The following XYLT1 variants were observed in gnomAD, a reference collection of about 807,000 sequenced individuals.
XYLT1 encodes beta-D-xylosyltransferase 1.
Under a neutral mutation model 91.3 loss-of-function variants are expected in XYLT1, and 36 were observed. The observed-to-expected ratio is 0.39, with a 90% CI of 0.30 to 0.52. The LOEUF (loss-of-function observed/expected upper bound fraction) is 0.52, where lower values mean the gene tolerates loss of function less well. Ranked by LOEUF, XYLT1 falls within the 20% of genes least tolerant of loss-of-function variation. The pLI is 0.68. For missense variants in XYLT1, 1,242 were observed against 1,284.5 expected (o/e 0.97, Z 0.51); for synonymous variants, 588 against 532.0 (o/e 1.11, Z -1.45).
intron 5 of XYLT1, among the ~76,000 whole-genome samples, chr16:17,166,154 C>A (rs1034755992): frequency 6.6e-6 from 1 of 152,226 alleles, no homozygotes; most frequent in African/African-American, 2.4e-5. Flanking sequence ...AGGAGGCTCA[C>A]ATGGAGATGG....
rs187485892 is a variant in XYLT1 at position 17,204,405 on chromosome 16, G to A, written c.914-3751C>T. ...AAGTCATCTTTGGGTCAGACAGTTAGTCTGGGGAGCTGCAAAGAGAATGGG... is the reference window on the plus strand; with the variant it reads ...AAGTCATCTTTGGGTCAGACAGTTAATCTGGGGAGCTGCAAAGAGAATGGG... On this transcript the variant is annotated intron_variant, in intron 3 of 11. Coordinates refer to ENST00000261381, the MANE Select transcript of XYLT1 (RefSeq NM_022166.4). 2.7e-5 allele frequency among the ~76,000 whole-genome samples: 4 copies of A among 150,240 alleles called. No homozygotes were observed. In the East Asian group the frequency reaches 8.1e-4, roughly 30 times the overall value.
chr16:17,442,667 G>T (rs1034571637), intron 1 of XYLT1, among the ~76,000 whole-genome samples: 1 of 152,128 alleles, frequency 6.6e-6, no homozygotes, highest in African/African-American at 2.4e-5. Context: ...GAGGGGGCAA[G>T]GACCACCCCA....
intron 1 of XYLT1, among the ~76,000 whole-genome samples, chr16:17,393,410 T>C (rs1317101356): frequency 6.6e-6 from 1 of 152,132 alleles, no homozygotes; most frequent in Non-Finnish European, 1.5e-5. Context: ...ATCCAAACGG[T>C]GTACATTATA....
At chr16:17,126,665 C>A (rs764718873) in intron 10 of XYLT1, among the ~76,000 whole-genome samples, 5 of 152,154 alleles carry the variant, frequency 3.3e-5, no homozygotes, top group Non-Finnish European at 5.9e-5. Context: ...ACTCTTGGTC[C>A]CTAATCCAGC....
chr16:17,356,002 C>T (rs1249656284), intron 2 of XYLT1, among the ~76,000 whole-genome samples: 4 of 152,002 alleles, frequency 2.6e-5, no homozygotes, highest in Non-Finnish European at 5.9e-5. Flanking sequence ...CGTTAGCCAC[C>T]GTGCCAGGCC....
chr16:17,110,696 G>A (rs1966839157), intron 11 of XYLT1, among the ~76,000 whole-genome samples: 1 of 152,162 alleles, frequency 6.6e-6, no homozygotes, highest in Non-Finnish European at 1.5e-5. Context: ...CTAGGGGGCT[G>A]GTTTTATCAT....
intron 5 of XYLT1, 186 bp downstream of exon 5, chr16:17,198,026 T>C: frequency 1.5e-6 from 1 of 667,790 alleles, no homozygotes; most frequent in Non-Finnish European, 2.5e-6. Flanking sequence ...GTGCTCAGTC[T>C]CTATCTGTTG....
chr16:17,156,069 A>G (rs535169898), intron 6 of XYLT1, among the ~76,000 whole-genome samples: 2 of 152,346 alleles, frequency 1.3e-5, no homozygotes, highest in Admixed American at 1.3e-4. Context: ...AATCTTCTCA[A>G]TGAATAAATG....
intron 2 of XYLT1, among the ~76,000 whole-genome samples, chr16:17,313,625 C>T (rs139705122): frequency 2.2e-3 from 333 of 151,886 alleles, no homozygotes; most frequent in Middle Eastern, 3.4e-3. Flanking sequence ...TGCTATAATG[C>T]TGTCTGTGTA....
At chr16:17,305,721 A>C (rs1000320359) in intron 2 of XYLT1, among the ~76,000 whole-genome samples, 2 of 152,086 alleles carry the variant, frequency 1.3e-5, no homozygotes, top group African/African-American at 4.8e-5. Flanking sequence ...TAACAGCATT[A>C]AACAGACGAA....
intron 6 of XYLT1, among the ~76,000 whole-genome samples, chr16:17,156,435 C>T (rs962928029): frequency 2.0e-5 from 3 of 152,188 alleles, no homozygotes; most frequent in South Asian, 2.1e-4. Flanking sequence ...TACCTGAGGG[C>T]GAGGAATACC....
chr16:17,281,196 T>C (rs1202555508), intron 2 of XYLT1, among the ~76,000 whole-genome samples: 1 of 152,098 alleles, frequency 6.6e-6, no homozygotes, highest in African/African-American at 2.4e-5. Flanking sequence ...GAAGGACAGG[T>C]ACTAGAGCTG....
intron 3 of XYLT1, among the ~76,000 whole-genome samples, chr16:17,211,276 G>A (rs2032751570): frequency 1.3e-5 from 2 of 152,096 alleles, no homozygotes; most frequent in Non-Finnish European, 1.5e-5. Context: ...ATGAGAGGAG[G>A]TAAAGGCAAA....
chr16:17,467,942 CG>C (rs1237110095), intron 1 of XYLT1, among the ~76,000 whole-genome samples: 4 of 152,160 alleles, frequency 2.6e-5, no homozygotes, highest in Non-Finnish European at 5.9e-5. Flanking sequence ...TGGAAAATCA[CG>C]GGGATTTGTT....
At chr16:17,205,548 G>C (rs1436365630) in intron 3 of XYLT1, among the ~76,000 whole-genome samples, 2 of 152,210 alleles carry the variant, frequency 1.3e-5, no homozygotes, top group African/African-American at 4.8e-5. Flanking sequence ...TTCACATCCA[G>C]AAGAGAGAGC....
chr16:17,467,012 G>A (rs997468867), intron 1 of XYLT1, among the ~76,000 whole-genome samples: 4 of 152,118 alleles, frequency 2.6e-5, no homozygotes, highest in Admixed American at 6.5e-5. Context: ...CCAGTGAACC[G>A]ATCTTTCAAA....
At chr16:17,362,416 T>C (rs140436711) in intron 1 of XYLT1, among the ~76,000 whole-genome samples, 166 of 152,342 alleles carry the variant, frequency 1.1e-3, no homozygotes, top group South Asian at 2.7e-3. Context: ...TAGCTAGCTC[T>C]ATGCGTGGCA....
intron 1 of XYLT1, among the ~76,000 whole-genome samples, chr16:17,448,883 T>C (rs991696576): frequency 2.0e-5 from 3 of 152,106 alleles, no homozygotes; most frequent in African/African-American, 7.2e-5. Flanking sequence ...CCCTTTGAAG[T>C]GGGTTCATCA....
intron 2 of XYLT1, among the ~76,000 whole-genome samples, chr16:17,267,410 TTTTG>T (rs953403578): frequency 7.9e-5 from 12 of 151,970 alleles, no homozygotes; most frequent in African/African-American, 2.4e-4. Context: ...AGTCTGAGTC[TTTTG>T]TTTGTTTGTT....
Sources: gnomAD v4.1 joint callset for allele counts (sites outside exome capture counted in the v4.1 genomes callset) on GRCh38, gnomAD v4.1.1 for gene constraint, MANE v1.5 for transcripts, NCBI Gene and HGNC (gene_info 2026-07-23, HGNC 2026-07-21) for gene names.